The following PUS7 variants were observed in gnomAD, a reference collection of about 807,000 sequenced individuals.
PUS7 encodes the protein pseudouridylate synthase 7 homolog.
PUS7 carries 48 observed loss-of-function variants against 79.8 expected under a neutral mutation model. That is an observed-to-expected ratio of 0.60 (90% CI 0.48 to 0.76). PUS7 has a LOEUF of 0.76. PUS7 is among the 30% of genes least tolerant of loss of function. PUS7 has a pLI of 0.00. For synonymous variants in PUS7, 286 were observed against 272.2 expected (o/e 1.05, Z -0.50); for missense variants, 729 against 797.6 (o/e 0.91, Z 1.04).
chr7:105,493,760 A>C (rs1218331961), intron 6 of PUS7, among the ~76,000 whole-genome samples: 1 of 152,222 alleles, frequency 6.6e-6, no homozygotes, highest in East Asian at 1.9e-4. Flanking sequence ...CACAGTGAGA[A>C]GGCAGCCATC....
intron 9 of PUS7, among the ~76,000 whole-genome samples, chr7:105,480,717 G>A (rs1243856991): frequency 2.6e-5 from 4 of 151,960 alleles, no homozygotes; most frequent in Non-Finnish European, 4.4e-5. Flanking sequence ...CAGAGGATGC[G>A]GTGAGCCGAG....
intron 1 of PUS7, among the ~76,000 whole-genome samples, chr7:105,520,415 C>T (rs1348170495): frequency 2.3e-5 from 3 of 129,070 alleles, no homozygotes; most frequent in South Asian, 2.9e-4. Flanking sequence ...GCCGAGATCG[C>T]GCCACTGCAA....
chr7:105,494,973 T>TA (rs1200372702), intron 6 of PUS7, among the ~76,000 whole-genome samples, 169 bp downstream of exon 6: 1,189 of 85,756 alleles, frequency 0.014, 21 homozygotes, highest in Middle Eastern at 0.048. Context: ...TGAGACTGTC[T>TA]AAAAAAAAAA....
At chr7:105,481,930 C>T (rs1824338108) in intron 8 of PUS7, among the ~76,000 whole-genome samples, 1 of 152,188 alleles carries the variant, frequency 6.6e-6, no homozygotes, top group Admixed American at 6.5e-5. Flanking sequence ...CAGGGTTTCA[C>T]CGTATTAGCC....
intron 1 of PUS7, among the ~76,000 whole-genome samples, chr7:105,515,903 G>A (rs1021260258): frequency 1.1e-4 from 16 of 151,956 alleles, no homozygotes; most frequent in African/African-American, 3.9e-4. Context: ...TCTGCTTCCT[G>A]GGTTCAAACG....
At position 105,462,665 on chromosome 7, in the gene PUS7, T is replaced by G. The variant is rs1419771443; in HGVS notation, c.1713A>C (p.Ser571=). 1 of 1,613,976 alleles carries G rather than the reference T, an allele frequency of 6.2e-7. No homozygotes were observed. ...MRHKIRDYSL[S]GAYRKIIIRP... ...GAATAATGATCTTTCGGTAGGCCCC[T>G]GACAAGGAATAATCTCGAATTTTGT... Residue 571 remains serine (S), a synonymous_variant, in exon 14 of 16, where the codon TCA becomes TCC. Coordinates refer to ENST00000469408, the MANE Select transcript of PUS7 (RefSeq NM_019042.5).
intron 1 of PUS7, among the ~76,000 whole-genome samples, chr7:105,509,756 G>A (rs1025626347): frequency 3.3e-5 from 5 of 152,164 alleles, no homozygotes; most frequent in Non-Finnish European, 5.9e-5. Flanking sequence ...TGGGAATATA[G>A]GTGTGAGCCA....
intron 14 of PUS7, chr7:105,462,237 G>C (rs1823461173): frequency 5.6e-6 from 1 of 177,824 alleles, no homozygotes; most frequent in African/African-American, 2.4e-5. Flanking sequence ...TTTGACACCA[G>C]CCTGGCCAAT....
At chr7:105,462,831 A>T in intron 13 of PUS7, 81 bp from the exon 14 acceptor site, 1 of 1,345,804 alleles carries the variant, frequency 7.4e-7, no homozygotes, top group Non-Finnish European at 1.0e-6. Flanking sequence ...GAGAGTAACA[A>T]TGTAAGTTCA....
rs1282134912 is a variant in PUS7 at position 105,457,889 on chromosome 7, T to C, written c.1887A>G (p.Leu629=). Residue 629 remains leucine, a synonymous_variant, in exon 16 of 16, where the codon CTA becomes CTG. Coordinates refer to ENST00000469408, the MANE Select transcript of PUS7 (RefSeq NM_019042.5). ...KYRALKMDFS[L]PPSTYATMAI... ...CCATGGTGGCGTAAGTAGAAGGGGG[T>C]AGAGAAAAATCCATTTTCAGAGCCC... The C allele has an allele frequency of 1.2e-6, 2 of 1,613,388 alleles. No homozygotes were observed. Among genetic ancestry groups the C allele is most frequent in the Non-Finnish European group, 1.7e-6 (2 of 1,179,786 alleles).
intron 1 of PUS7, among the ~76,000 whole-genome samples, chr7:105,517,166 C>CTTTTTTTTTTTTTTTTTTTTT (rs1289590315): frequency 1.6e-4 from 23 of 146,620 alleles, no homozygotes; most frequent in Non-Finnish European, 2.6e-4. Flanking sequence ...CTTCACATTT[C>CTTTTTTTTTTTTTTTTTTTTT]TTTTTTTGGC....
chr7:105,492,935 G>A (rs1179587369), intron 6 of PUS7, among the ~76,000 whole-genome samples: 5 of 152,172 alleles, frequency 3.3e-5, no homozygotes, highest in Non-Finnish European at 5.9e-5. Context: ...GAGCCACTGC[G>A]CCCAGTCAAT....
Position 105,522,110 on chromosome 7 carries a change from G to T in PUS7, c.-91C>A, listed in dbSNP as rs1457355729. 1 of 152,422 alleles carries T rather than the reference G, an allele frequency of 6.6e-6. No homozygotes were observed. The highest frequency in any genetic ancestry group is 1.5e-5 in the Non-Finnish European group (1 of 68,312). 9.4% of individuals were successfully genotyped at this position (152,422 alleles called of 1,614,324 possible). ...GGGCGGCGAGGTGGCCAGCGCTCTG[G>T]TTGGGACGCAAGAGAGCGGCGAAGG... On this transcript the variant is annotated 5_prime_UTR_variant, in exon 1 of 16. Coordinates refer to ENST00000469408, the MANE Select transcript of PUS7 (RefSeq NM_019042.5).
chr7:105,515,174 T>C (rs895289678), intron 1 of PUS7, among the ~76,000 whole-genome samples: 7 of 152,188 alleles, frequency 4.6e-5, no homozygotes, highest in Non-Finnish European at 7.3e-5. Context: ...GCTTAAACCG[T>C]ATGACAGAAA....
intron 9 of PUS7, among the ~76,000 whole-genome samples, chr7:105,473,682 G>A (rs1470455794): frequency 6.6e-6 from 1 of 152,012 alleles, no homozygotes; most frequent in Admixed American, 6.6e-5. Context: ...GCCTCCCAAA[G>A]TGCTGGGATT....
At chr7:105,502,686 C>A in intron 4 of PUS7, 122 bp from the exon 5 acceptor site, 2 of 1,067,692 alleles carry the variant, frequency 1.9e-6, no homozygotes, top group Non-Finnish European at 2.7e-6. Context: ...AAAGTGCCTG[C>A]ATACGATTTC....
chr7:105,507,650 T>G (rs557574110), intron 2 of PUS7, among the ~76,000 whole-genome samples: 1 of 152,208 alleles, frequency 6.6e-6, no homozygotes, highest in Non-Finnish European at 1.5e-5. Flanking sequence ...CAAGCTATTC[T>G]CCTGCCTCAG....
intron 11 of PUS7, among the ~76,000 whole-genome samples, chr7:105,469,490 C>A (rs766449465): frequency 2.1e-4 from 32 of 152,114 alleles, no homozygotes; most frequent in South Asian, 1.9e-3. Context: ...GACGGAGTCT[C>A]ACTTTGTTGC....
chr7:105,477,260 T>A (rs115737686), intron 9 of PUS7, among the ~76,000 whole-genome samples: 179 of 152,222 alleles, frequency 1.2e-3, no homozygotes, highest in African/African-American at 2.0e-3. Flanking sequence ...TTTTATTATT[T>A]TTTTTTTGAG....
Sources: gnomAD v4.1 joint callset for allele counts (sites outside exome capture counted in the v4.1 genomes callset) on GRCh38, gnomAD v4.1.1 for gene constraint, MANE v1.5 for transcripts, NCBI Gene and HGNC (gene_info 2026-07-23, HGNC 2026-07-21) for gene names.